The following PTPRU variants were observed in gnomAD, a reference collection of about 807,000 sequenced individuals.
The protein encoded by PTPRU is receptor-type tyrosine-protein phosphatase U.
Under a neutral mutation model 166.3 loss-of-function variants are expected in PTPRU, and 69 were observed. The observed-to-expected ratio is 0.41, with a 90% CI of 0.34 to 0.51. PTPRU has a LOEUF of 0.51. Ranked by LOEUF, PTPRU falls within the 20% of genes least tolerant of loss-of-function variation. The pLI, the probability that PTPRU is intolerant of heterozygous loss-of-function variation, is 0.09. For synonymous variants in PTPRU, 793 were observed against 814.0 expected, an observed-to-expected ratio of 0.97 and a Z score of 0.44; for missense variants, 1,657 against 2,013.7, an observed-to-expected ratio of 0.82 and a Z score of 3.39.
At chr1:29,248,846 G>A (rs540846398) in intron 1 of PTPRU, among the ~76,000 whole-genome samples, 1 of 152,230 alleles carries the variant, frequency 6.6e-6, no homozygotes, top group African/African-American at 2.4e-5. Context: ...TACACCCACG[G>A]CTTCACAGCG....
chr1:29,276,982 T>G (rs1021417676), intron 8 of PTPRU, among the ~76,000 whole-genome samples: 1 of 152,276 alleles, frequency 6.6e-6, no homozygotes, highest in Non-Finnish European at 1.5e-5. Context: ...CCTATCTTCA[T>G]TATCATTCAG....
At chr1:29,263,204 C>T (rs1253602327) in intron 7 of PTPRU, among the ~76,000 whole-genome samples, 1 of 152,150 alleles carries the variant, frequency 6.6e-6, no homozygotes, top group African/African-American at 2.4e-5. Context: ...AGGCTGGTCT[C>T]GAATTCCTGA....
At chr1:29,303,800 C>T (rs1687251248) in intron 15 of PTPRU, 55 bp from the exon 16 acceptor site, 1 of 1,497,934 alleles carries the variant, frequency 6.7e-7, no homozygotes, top group Non-Finnish European at 9.1e-7. Context: ...CTCTCCAGGA[C>T]CCCCGAGGCT....
In PTPRU at chr1:29,259,912, A is replaced by G. The variant is rs1220220016; in HGVS notation, c.718A>G (p.Ile240Val). The change falls in exon 6 of 30, where the codon ATC becomes GTC. Residue 240 changes from isoleucine to valine, a missense_variant. By Grantham distance (29) the Ile-to-Val change is conservative. Around this residue, in one of 3 missense-constraint regions of PTPRU, gnomAD observed 453 missense variants for 496.9 expected, o/e 0.91. Transcript: ENST00000373779. ...GGTGCCGGCGGCGGGCGTGCGGCAC[A>G]TCAGCCACCGGCGCTTCCTGGCCAC... ...ALVPAAGVRH[I>V]SHRRFLATFP... 4 of 1,532,274 alleles carry G rather than the reference A, an allele frequency of 2.6e-6. No individual in the cohort carries two copies. Among genetic ancestry groups the G allele is most frequent in the Non-Finnish European group, 3.5e-6 (4 of 1,145,748 alleles). The allele number at this position is 1,532,274 out of a possible 1,614,324, so 94.9% of individuals were successfully genotyped here. A position where few individuals can be genotyped will look rare whatever the true frequency, so the allele number is the denominator to read the frequency against.
chr1:29,243,597 G>A (rs773078971), intron 1 of PTPRU, among the ~76,000 whole-genome samples: 9 of 152,228 alleles, frequency 5.9e-5, no homozygotes, highest in East Asian at 3.9e-4. Context: ...CTGATGCAGC[G>A]AAGCCTTCCC....
intron 22 of PTPRU, among the ~76,000 whole-genome samples, chr1:29,314,498 T>C (rs1687808688): frequency 6.6e-6 from 1 of 152,178 alleles, no homozygotes; most frequent in African/African-American, 2.4e-5. Context: ...AGGACAATGA[T>C]CTTGATGTGC....
intron 12 of PTPRU, 136 bp from the exon 13 acceptor site, chr1:29,283,804 G>A (rs1179511083): frequency 5.8e-6 from 6 of 1,035,952 alleles, no homozygotes; most frequent in African/African-American, 1.6e-5. Flanking sequence ...GCCTGCCTTC[G>A]GGTGGGGTGT....
At chr1:29,283,789 C>T (rs1686213573) in intron 12 of PTPRU, 151 bp from the exon 13 acceptor site, 1 of 893,598 alleles carries the variant, frequency 1.1e-6, no homozygotes, top group Non-Finnish European at 1.8e-6. Flanking sequence ...CAAGGGTCCC[C>T]CCAGGCCTGC....
intron 18 of PTPRU, 94 bp downstream of exon 18, chr1:29,305,522 G>C (rs926984851): frequency 1.6e-6 from 2 of 1,288,378 alleles, no homozygotes; most frequent in Non-Finnish European, 2.2e-6. Flanking sequence ...GATAAATGGG[G>C]GTTCAAATGG....
At chr1:29,289,381 CTGTG>C (rs1686512172) in intron 14 of PTPRU, among the ~76,000 whole-genome samples, 1 of 152,126 alleles carries the variant, frequency 6.6e-6, no homozygotes, top group Non-Finnish European at 1.5e-5. Flanking sequence ...ACATGTGTGT[CTGTG>C]TGAGTGTGCA....
chr1:29,241,580 T>TC (rs1408878843), intron 1 of PTPRU, among the ~76,000 whole-genome samples: 5 of 149,000 alleles, frequency 3.4e-5, no homozygotes, highest in African/African-American at 7.5e-5. Flanking sequence ...ATTTTTTTTT[T>TC]TTCTTCTTCT....
At position 29,315,388 on chromosome 1, in the gene PTPRU, A is replaced by G. The variant is rs1687854562; in HGVS notation, c.3244A>G (p.Thr1082Ala). ...VIHCSAGTGRTGCYIVLDVML... is the reference protein window; with the variant it reads ...VIHCSAGTGRAGCYIVLDVML... ...TCTCTCCAGCGCGGGCACCGGCCGC[A>G]CAGGTTGCTATATCGTCCTGGATGT... Residue 1082 changes from threonine to alanine, a missense_variant, in exon 23 of 30, where the codon ACA (threonine) becomes GCA (alanine). Thr to Ala is a moderately conservative substitution (Grantham distance 58). Around this residue, in one of 3 missense-constraint regions of PTPRU, gnomAD observed 1,190 missense variants for 1,477.4 expected, o/e 0.81. Coordinates refer to ENST00000373779, the MANE Select transcript of PTPRU (RefSeq NM_133178.4). This position sits in a 1 kb window ranked among gnomAD's most constrained non-coding sequence, Gnocchi z 4.5. The G allele has an allele frequency of 6.2e-7, 1 of 1,614,068 alleles. No individual in the cohort carries two copies. The highest frequency in any genetic ancestry group is 8.5e-7 in the Non-Finnish European group (1 of 1,180,040).
rs777211267 is a variant in PTPRU at position 29,320,789 on chromosome 1, C to T, written c.3792C>T (p.Val1264=). 6.2e-7 allele frequency: 1 copy of T among 1,602,378 alleles called. No individual in the cohort carries two copies. Among genetic ancestry groups the T allele is most frequent in the Non-Finnish European group, 8.5e-7 (1 of 1,171,010 alleles). The change falls in exon 26 of 30, where the codon GTC becomes GTT. Residue 1264 remains valine, a synonymous_variant. Transcript: ENST00000373779. The surrounding 1 kb of genome is among the most constrained non-coding windows in gnomAD (Gnocchi z 5.2). ...LVYDYGCTSI[V]MLNQLNQSNS... ...ACGATTACGGGTGCACCTCCATCGT[C>T]ATGCTCAACCAGCTGAACCAGTCCA...
chr1:29,273,072 C>CTA (rs1279968614), intron 7 of PTPRU, among the ~76,000 whole-genome samples: 1 of 152,034 alleles, frequency 6.6e-6, no homozygotes, highest in Non-Finnish European at 1.5e-5. Context: ...AGTAATGAAA[C>CTA]TATACTTCAT....
chr1:29,295,088 G>T (rs1686819830), intron 15 of PTPRU, among the ~76,000 whole-genome samples: 1 of 152,208 alleles, frequency 6.6e-6, no homozygotes, highest in South Asian at 2.1e-4. Context: ...CCAGGCTGGA[G>T]TGCAGTGGCA....
chr1:29,325,443 C>A (rs974507735), intron 29 of PTPRU, 117 bp downstream of exon 29: 5 of 1,518,084 alleles, frequency 3.3e-6, no homozygotes, highest in Non-Finnish European at 4.5e-6. Context: ...GGTTCTAGCC[C>A]TGTGGTCCTA....
intron 8 of PTPRU, among the ~76,000 whole-genome samples, chr1:29,277,664 T>C (rs890502833): frequency 9.2e-5 from 14 of 152,176 alleles, no homozygotes; most frequent in Non-Finnish European, 2.1e-4. Context: ...TTTGATATAT[T>C]ACTGCATTTA....
At chr1:29,262,284 G>A (rs993723462) in intron 7 of PTPRU, among the ~76,000 whole-genome samples, 9 of 152,094 alleles carry the variant, frequency 5.9e-5, no homozygotes, top group African/African-American at 2.2e-4. Context: ...CTCTAGAATT[G>A]GCTTTTTTTG....
rs771984879 is a variant in PTPRU at position 29,260,828 on chromosome 1, G to C, written c.1069G>C (p.Val357Leu). The change falls in exon 7 of 30, where the codon GTG becomes CTG. Residue 357 changes from valine (V) to leucine (L), a missense_variant. Val to Leu is a conservative substitution (Grantham distance 32). This residue lies in a region of PTPRU where 14 missense variants were observed against 39.4 expected (regional missense o/e 0.36). Coordinates refer to ENST00000373779, the MANE Select transcript of PTPRU (RefSeq NM_133178.4). This position sits in a 1 kb window ranked among gnomAD's most constrained non-coding sequence, Gnocchi z 8.3. ...LDPDTEYEIS[V>L]LLTRPGDGGT... is the part of the protein sequence containing the mutation. ...CCCCGACACAGAGTATGAGATCAGCGTGCTGCTCACGCGTCCCGGAGACGG... is the reference window on the plus strand; with the variant it reads ...CCCCGACACAGAGTATGAGATCAGCCTGCTGCTCACGCGTCCCGGAGACGG... 2.0e-5 allele frequency: 32 copies of C among 1,611,658 alleles called. No individual in the cohort carries two copies. Among genetic ancestry groups the C allele is most frequent in the Non-Finnish European group, 1.7e-5 (20 of 1,179,246 alleles).
Sources: gnomAD v4.1 joint callset for allele counts (sites outside exome capture counted in the v4.1 genomes callset) on GRCh38, gnomAD v4.1.1 for gene constraint, gnomAD v4.1.1 regional missense constraint, Gnocchi (gnomAD v3.1) non-coding constraint, MANE v1.5 for transcripts, NCBI Gene and HGNC (gene_info 2026-07-23, HGNC 2026-07-21) for gene names.